The following PCBD2 variants were observed in gnomAD, a reference collection of about 807,000 sequenced individuals.
The protein encoded by PCBD2 is pterin-4 alpha-carbinolamine dehydratase 2.
Under a neutral mutation model 16.4 loss-of-function variants are expected in PCBD2, and 12 were observed. That is an observed-to-expected ratio of 0.73 (90% confidence interval 0.47 to 1.19). The LOEUF (loss-of-function observed/expected upper bound fraction) is 1.19. Ranked by LOEUF, PCBD2 falls within the 50% of genes most tolerant of loss-of-function variation. PCBD2 has a pLI of 0.00. For missense variants in PCBD2, 138 were observed against 156.8 expected (o/e 0.88, Z 0.64); for synonymous variants, 58 against 61.8 (o/e 0.94, Z 0.29).
chr5:134,924,766 G>A, intron 2 of PCBD2: 1 of 394,610 alleles, frequency 2.5e-6, no homozygotes, highest in Non-Finnish European at 4.5e-6. Context: ...TTGTGAGATT[G>A]TTTTAGGTAG....
chr5:134,937,341 A>AT (rs1751171707), intron 2 of PCBD2, among the ~76,000 whole-genome samples: 1 of 152,194 alleles, frequency 6.6e-6, no homozygotes, highest in Admixed American at 6.5e-5. Flanking sequence ...TTTAAAATAC[A>AT]TGCAACTTTT....
intron 2 of PCBD2, among the ~76,000 whole-genome samples, chr5:134,940,439 T>A (rs1751212513): frequency 6.6e-6 from 1 of 152,062 alleles, no homozygotes; most frequent in African/African-American, 2.4e-5. Flanking sequence ...ATATATTTTT[T>A]TTTTTAATAA....
intron 2 of PCBD2, among the ~76,000 whole-genome samples, chr5:134,910,940 G>A (rs1173252473): frequency 6.6e-6 from 1 of 152,100 alleles, no homozygotes; most frequent in Non-Finnish European, 1.5e-5. Context: ...ACAGGCATGT[G>A]CCATGCCCAG....
At chr5:134,933,043 A>G (rs1751117554) in intron 2 of PCBD2, among the ~76,000 whole-genome samples, 1 of 152,144 alleles carries the variant, frequency 6.6e-6, no homozygotes, top group African/African-American at 2.4e-5. Flanking sequence ...AATTTGGAAA[A>G]CAGAAAAGTA....
At chr5:134,919,778 C>G (rs1334517432) in intron 2 of PCBD2, among the ~76,000 whole-genome samples, 1 of 152,154 alleles carries the variant, frequency 6.6e-6, no homozygotes, top group Non-Finnish European at 1.5e-5. Flanking sequence ...GTATTTTGGT[C>G]TTGCTCATTT....
At chr5:134,937,981 T>G (rs985093891) in intron 2 of PCBD2, among the ~76,000 whole-genome samples, 1 of 152,226 alleles carries the variant, frequency 6.6e-6, no homozygotes, top group African/African-American at 2.4e-5. Context: ...GGAAACTGTG[T>G]CTTGAAATTA....
At chr5:134,933,422 G>T (rs1459234217) in intron 2 of PCBD2, among the ~76,000 whole-genome samples, 7 of 152,050 alleles carry the variant, frequency 4.6e-5, no homozygotes, top group African/African-American at 1.7e-4. Flanking sequence ...TTTTTGTAGA[G>T]ACTGGGTTTT....
At chr5:134,946,094 AG>A (rs1751292497) in intron 2 of PCBD2, among the ~76,000 whole-genome samples, 1 of 151,256 alleles carries the variant, frequency 6.6e-6, no homozygotes, top group South Asian at 2.1e-4. Flanking sequence ...TACTTAAATA[AG>A]ATTGTTTAAA....
intron 1 of PCBD2, among the ~76,000 whole-genome samples, chr5:134,908,449 G>T (rs1750725398): frequency 6.6e-6 from 1 of 151,980 alleles, no homozygotes; most frequent in Admixed American, 6.6e-5. Flanking sequence ...CGGATCCCTC[G>T]AGGTCAGGAG....
In PCBD2 at chr5:134,959,883, CTT is replaced by C. The variant is rs776164485; in HGVS notation, c.298-679_298-678del. Among the ~76,000 whole-genome samples the C allele has an allele frequency of 1.8e-3, 134 of 72,986 alleles. 1 individual carries two copies. The East Asian group carries it at 0.027, about 15-fold the overall frequency. 47.9% of individuals were successfully genotyped at this position (72,986 alleles called of 152,430 possible). A position where few individuals can be genotyped will look rare whatever the true frequency, so the allele number is the denominator to read the frequency against. ...CCCATTTCCCTAATTTAGAAATGTG[CTT>C]TTTTTTTTTTTTTTTTTTTTTTTGA... On this transcript the variant is annotated intron_variant, in intron 3 of 3. Coordinates refer to ENST00000254908, the MANE Select transcript of PCBD2 (RefSeq NM_032151.5).
At chr5:134,907,789 A>AT (rs570113503) in intron 1 of PCBD2, among the ~76,000 whole-genome samples, 3 of 147,508 alleles carry the variant, frequency 2.0e-5, no homozygotes, top group South Asian at 4.3e-4. Flanking sequence ...CGCCCAGCTA[A>AT]TTTTTTGTAT....
At chr5:134,915,786 C>T (rs1443455976) in intron 2 of PCBD2, among the ~76,000 whole-genome samples, 1 of 152,132 alleles carries the variant, frequency 6.6e-6, no homozygotes. Context: ...TTTCCATGAG[C>T]ATATGCACAC....
intron 1 of PCBD2, among the ~76,000 whole-genome samples, chr5:134,908,545 A>T (rs2149529504): frequency 6.6e-6 from 1 of 151,792 alleles, no homozygotes; most frequent in Non-Finnish European, 1.5e-5. Flanking sequence ...TGCACCTGTA[A>T]TCACAGCTAC....
intron 2 of PCBD2, among the ~76,000 whole-genome samples, chr5:134,951,584 C>T (rs1751358958): frequency 6.6e-6 from 1 of 152,158 alleles, no homozygotes; most frequent in Non-Finnish European, 1.5e-5. Context: ...TGTCAGATTG[C>T]CTTCCATGAT....
intron 2 of PCBD2, among the ~76,000 whole-genome samples, chr5:134,952,711 A>G (rs1252671701): frequency 6.6e-6 from 1 of 152,034 alleles, no homozygotes; most frequent in Non-Finnish European, 1.5e-5. Context: ...AGGCTGAGAT[A>G]GGATGGATCC....
chr5:134,940,948 C>T (rs1429475703), intron 2 of PCBD2, among the ~76,000 whole-genome samples: 3 of 151,760 alleles, frequency 2.0e-5, no homozygotes, highest in East Asian at 1.9e-4. Flanking sequence ...GGTGAAATCC[C>T]GTCTCTACTA....
At chr5:134,958,370 A>T (rs1751437626) in intron 2 of PCBD2, among the ~76,000 whole-genome samples, 1 of 152,188 alleles carries the variant, frequency 6.6e-6, no homozygotes, top group South Asian at 2.1e-4. Context: ...ACTGGTTTGC[A>T]GCCCTCTGCT....
At chr5:134,926,144 A>G (rs1046021338) in intron 2 of PCBD2, 3 of 323,920 alleles carry the variant, frequency 9.3e-6, no homozygotes, top group African/African-American at 2.1e-5. Flanking sequence ...CTTATATATC[A>G]TAGTGAGAAT....
rs1470487053 is a variant in PCBD2 at position 134,927,576 on chromosome 5, A to G, written c.216+17110A>G. On this transcript the variant is annotated intron_variant, in intron 2 of 3. Transcript: ENST00000254908. Reference sequence around the variant, plus strand: ...GATGAGTAGGGGGAGGGAGCCTACTAGGGTGTAGAATAGGAAGTATGTACC... The same window carrying G: ...GATGAGTAGGGGGAGGGAGCCTACTGGGGTGTAGAATAGGAAGTATGTACC... 6 of 396,828 alleles carry G rather than the reference A, an allele frequency of 1.5e-5. No individual in the cohort carries two copies. The Admixed American group carries it at 2.7e-4, about 18-fold the overall frequency. The allele number at this position is 396,828 out of a possible 1,614,324, so 24.6% of individuals were successfully genotyped here.
Sources: gnomAD v4.1 joint callset for allele counts (sites outside exome capture counted in the v4.1 genomes callset) on GRCh38, gnomAD v4.1.1 for gene constraint, MANE v1.5 for transcripts, NCBI Gene and HGNC (gene_info 2026-07-23, HGNC 2026-07-21) for gene names.